The following SLC25A21 variants were observed in gnomAD, a reference collection of about 807,000 sequenced individuals.
SLC25A21 encodes the protein mitochondrial 2-oxodicarboxylate carrier.
Under a neutral mutation model 43.8 loss-of-function variants are expected in SLC25A21, and 47 were observed. That is an observed-to-expected ratio of 1.07 (90% CI 0.85 to 1.37). The LOEUF is 1.37. SLC25A21 is among the 40% of genes most tolerant of loss of function. The pLI is 0.00. For synonymous variants in SLC25A21, 131 were observed against 121.3 expected (o/e 1.08, Z -0.52); for missense variants, 352 against 350.2 (o/e 1.00, Z -0.04).
At chr14:36,759,025 T>C (rs1023108065) in intron 3 of SLC25A21, among the ~76,000 whole-genome samples, 3 of 152,206 alleles carry the variant, frequency 2.0e-5, no homozygotes, top group African/African-American at 7.2e-5. Context: ...CTCATGTTCA[T>C]TCTGAGCTCT....
intron 2 of SLC25A21, among the ~76,000 whole-genome samples, chr14:36,871,124 G>GC (rs749980532): frequency 5.3e-5 from 8 of 151,720 alleles, no homozygotes; most frequent in East Asian, 1.9e-4. Context: ...TTGTGCCCCT[G>GC]CCCCCCCAAA....
chr14:36,691,531 A>G (rs1301923340), intron 7 of SLC25A21, among the ~76,000 whole-genome samples: 1 of 152,146 alleles, frequency 6.6e-6, no homozygotes, highest in African/African-American at 2.4e-5. Context: ...TTACTTCAAC[A>G]CTTTGCTCAA....
intron 1 of SLC25A21, among the ~76,000 whole-genome samples, chr14:36,930,424 TCACTCAGTCCCCTCATC>T (rs916756122): frequency 3.9e-5 from 6 of 152,132 alleles, no homozygotes; most frequent in Non-Finnish European, 7.4e-5. Flanking sequence ...CTCCCCTTTT[TCACTCAGTCCCCTCATC>T]CACTCAGTAA....
intron 1 of SLC25A21, among the ~76,000 whole-genome samples, chr14:37,168,082 A>G (rs772839922): frequency 4.0e-4 from 61 of 152,074 alleles, no homozygotes; most frequent in Non-Finnish European, 7.6e-4. Context: ...GAGGCCTGGG[A>G]TCCCACATTT....
At chr14:36,868,527 T>C (rs1031050048) in intron 2 of SLC25A21, among the ~76,000 whole-genome samples, 4 of 152,200 alleles carry the variant, frequency 2.6e-5, no homozygotes, top group Middle Eastern at 3.2e-3. Flanking sequence ...TTTTTTCCTA[T>C]ATTAAGTGCC....
At chr14:36,987,347 A>AT (rs202218148) in intron 1 of SLC25A21, among the ~76,000 whole-genome samples, 3 of 152,102 alleles carry the variant, frequency 2.0e-5, no homozygotes, top group African/African-American at 7.2e-5. Context: ...AAACACTACA[A>AT]TTTTTTTCAT....
chr14:36,897,730 G>C (rs1891284126), intron 1 of SLC25A21, among the ~76,000 whole-genome samples: 1 of 152,138 alleles, frequency 6.6e-6, no homozygotes, highest in African/African-American at 2.4e-5. Context: ...TGTCCTTTCT[G>C]TTTGTTAATT....
intron 1 of SLC25A21, among the ~76,000 whole-genome samples, chr14:36,889,091 C>T (rs563726866): frequency 6.6e-6 from 1 of 152,290 alleles, no homozygotes; most frequent in African/African-American, 2.4e-5. Flanking sequence ...GGCCTCTTTG[C>T]TATGCTCCCA....
At chr14:36,684,671 A>G (rs942053454) in intron 8 of SLC25A21, 73 bp downstream of exon 8, 2 of 1,406,392 alleles carry the variant, frequency 1.4e-6, no homozygotes, top group Non-Finnish European at 1.9e-6. Flanking sequence ...TTCTCATCTA[A>G]ATGGAAGGAC....
At chr14:36,905,257 A>C (rs2138603860) in intron 1 of SLC25A21, among the ~76,000 whole-genome samples, 1 of 152,324 alleles carries the variant, frequency 6.6e-6, no homozygotes, top group South Asian at 2.1e-4. Flanking sequence ...CACCCATTTC[A>C]GCAGAATAGG....
chr14:36,912,033 G>A (rs901399928), intron 1 of SLC25A21, among the ~76,000 whole-genome samples: 5 of 151,892 alleles, frequency 3.3e-5, no homozygotes, highest in Admixed American at 3.3e-4. Flanking sequence ...TTTATAAAAT[G>A]TTTTCTCTGT....
intron 7 of SLC25A21, among the ~76,000 whole-genome samples, chr14:36,704,281 C>T (rs898217999): frequency 7.9e-5 from 12 of 152,218 alleles, no homozygotes; most frequent in South Asian, 2.1e-4. Flanking sequence ...CCAGAGAATC[C>T]GGTTACGTTA....
intron 7 of SLC25A21, among the ~76,000 whole-genome samples, chr14:36,685,835 G>T (rs1413695048): frequency 2.0e-5 from 3 of 152,180 alleles, no homozygotes; most frequent in African/African-American, 7.2e-5. Context: ...TAATGAATTT[G>T]CTGGGAAGTT....
intron 2 of SLC25A21, among the ~76,000 whole-genome samples, chr14:36,837,571 T>C (rs1026013608): frequency 1.3e-5 from 2 of 152,110 alleles, no homozygotes; most frequent in African/African-American, 4.8e-5. Flanking sequence ...GAACAGGCCC[T>C]GGAGTCCTTG....
chr14:36,933,190 A>C (rs1892337281), intron 1 of SLC25A21, among the ~76,000 whole-genome samples: 1 of 152,296 alleles, frequency 6.6e-6, no homozygotes, highest in South Asian at 2.1e-4. Flanking sequence ...CTCACACAGG[A>C]AAGAACTTAC....
chr14:36,891,466 T>C (rs1396978602), intron 1 of SLC25A21, among the ~76,000 whole-genome samples: 1 of 152,168 alleles, frequency 6.6e-6, no homozygotes, highest in Non-Finnish European at 1.5e-5. Flanking sequence ...AACATTTCTA[T>C]TATAACTCTG....
Position 36,902,546 on chromosome 14 carries a change from T to G in SLC25A21, c.71-27542A>C, listed in dbSNP as rs143351880. Reference sequence around the variant, plus strand: ...AGGGGTTCTTAACCTGTGGTCGGATTTTGGAAAAAGGAAGGTGTTCATAAA... The same window carrying G: ...AGGGGTTCTTAACCTGTGGTCGGATGTTGGAAAAAGGAAGGTGTTCATAAA... On this transcript the variant is annotated intron_variant, in intron 1 of 9. Coordinates refer to ENST00000331299, the MANE Select transcript of SLC25A21 (RefSeq NM_030631.4). Among the ~76,000 whole-genome samples, 430 of 152,224 alleles carry G rather than the reference T, an allele frequency of 2.8e-3. 2 individuals are homozygous for G. The highest frequency in any genetic ancestry group is 9.7e-3 in the African/African-American group (404 of 41,536).
At chr14:37,055,601 C>T (rs1430554507) in intron 1 of SLC25A21, among the ~76,000 whole-genome samples, 1 of 152,116 alleles carries the variant, frequency 6.6e-6, no homozygotes, top group Non-Finnish European at 1.5e-5. Context: ...TGGAAGTCCA[C>T]CTACCCCAAG....
intron 2 of SLC25A21, among the ~76,000 whole-genome samples, chr14:36,873,625 G>C (rs1890438088): frequency 6.6e-6 from 1 of 152,104 alleles, no homozygotes; most frequent in Admixed American, 6.6e-5. Flanking sequence ...TTTGAGTTTA[G>C]TGATTTGAGG....
Sources: gnomAD v4.1 joint callset for allele counts (sites outside exome capture counted in the v4.1 genomes callset) on GRCh38, gnomAD v4.1.1 for gene constraint, MANE v1.5 for transcripts, NCBI Gene and HGNC (gene_info 2026-07-23, HGNC 2026-07-21) for gene names.